The following COL14A1 variants were observed in gnomAD, a reference collection of about 807,000 sequenced individuals.
COL14A1 encodes the protein collagen type XIV alpha 1 chain, also known as collagen alpha-1(XIV) chain.
In COL14A1, 136 loss-of-function variants were observed where a neutral mutation model predicts 230.3. That is an observed-to-expected ratio of 0.59 (90% CI 0.51 to 0.68). The LOEUF (loss-of-function observed/expected upper bound fraction) is 0.68, where lower values mean the gene tolerates loss of function less well. Ranked by LOEUF, COL14A1 falls within the 30% of genes least tolerant of loss-of-function variation. The pLI, the probability that COL14A1 is intolerant of heterozygous loss-of-function variation, is 0.00. For synonymous variants in COL14A1, 792 were observed against 784.1 expected, an observed-to-expected ratio of 1.01 and a Z score of -0.17; for missense variants, 1,976 against 2,215.8, an observed-to-expected ratio of 0.89 and a Z score of 2.17.
intron 45 of COL14A1, among the ~76,000 whole-genome samples, chr8:120,363,221 A>G (rs774554876): frequency 6.6e-6 from 1 of 152,236 alleles, no homozygotes; most frequent in African/African-American, 2.4e-5. Flanking sequence ...TGTGGTACAT[A>G]TACACCATGG....
chr8:120,261,318 T>C (rs117707427), intron 23 of COL14A1, among the ~76,000 whole-genome samples: 1,615 of 152,342 alleles, frequency 0.011, 11 homozygotes, highest in Middle Eastern at 0.037. Context: ...GTTTCTTCTC[T>C]TTAAATTGGG....
Position 120,243,992 on chromosome 8 carries a change from C to T in COL14A1, c.2463C>T (p.Ser821=), listed in dbSNP as rs563353606. The part of the protein sequence containing the change: ...IYTDGEGVSV[S]APGKTLPSSG... ...CGGATGGCGAAGGCGTCAGCGTCTC[C>T]GCTCCTGGAAAAACCTGTAAGTGAA... Residue 821 remains serine, a synonymous_variant, in exon 20 of 48, where the codon TCC becomes TCT. Coordinates refer to ENST00000297848, the MANE Select transcript of COL14A1 (RefSeq NM_021110.4). The T allele has an allele frequency of 2.9e-4, 470 of 1,612,046 alleles. 9 individuals are homozygous for T. In the South Asian group the frequency reaches 4.6e-3, roughly 16 times the overall value.
chr8:120,218,308 T>C (rs1817829052), intron 14 of COL14A1, among the ~76,000 whole-genome samples: 1 of 144,272 alleles, frequency 6.9e-6, no homozygotes, highest in South Asian at 2.1e-4. Context: ...ATAATATATA[T>C]CATATATATA....
Position 120,313,999 on chromosome 8 carries a change from C to T in COL14A1, c.4523C>T (p.Pro1508Leu). Residue 1508 changes from proline to leucine, a missense_variant, in exon 38 of 48, where the codon CCA (proline) becomes CTA (leucine). Physicochemically the swap from Pro to Leu is moderately conservative, Grantham distance 98 (BLOSUM62 -3). Transcript: ENST00000297848. The part of the protein sequence containing the change: ...GPQGPPGPQG[P>L]SGLSIQGMPG... ...CAGGGTCCACCTGGACCTCAAGGAC[C>T]AAGTGGTCTGTCCATTCAAGGAATG... 6.2e-7 allele frequency: 1 copy of T among 1,612,328 alleles called. No individual in the cohort carries two copies. Among genetic ancestry groups the T allele is most frequent in the Non-Finnish European group, 8.5e-7 (1 of 1,179,240 alleles).
chr8:120,313,834 A>T, intron 37 of COL14A1, 98 bp from the exon 38 acceptor site: 2 of 748,568 alleles, frequency 2.7e-6, no homozygotes. Context: ...GAAAAACTAT[A>T]TAAGAAAACA....
At chr8:120,258,468 C>CGG (rs1819225683) in intron 23 of COL14A1, among the ~76,000 whole-genome samples, 3 of 152,256 alleles carry the variant, frequency 2.0e-5, no homozygotes, top group African/African-American at 7.2e-5. Context: ...CCTTCCACCC[C>CGG]TGTATCTGGT....
At chr8:120,282,225 A>G (rs1301743231) in intron 31 of COL14A1, among the ~76,000 whole-genome samples, 1 of 152,220 alleles carries the variant, frequency 6.6e-6, no homozygotes, top group Non-Finnish European at 1.5e-5. Context: ...TCAGTAAACT[A>G]TCGCAAGAAC....
chr8:120,279,798 C>A, intron 28 of COL14A1, 137 bp from the exon 29 acceptor site: 1 of 795,206 alleles, frequency 1.3e-6, no homozygotes, highest in Non-Finnish European at 1.9e-6. Flanking sequence ...CTCTGATGAA[C>A]TGTAAAGAAT....
At chr8:120,317,194 A>G (rs1821262508) in intron 40 of COL14A1, among the ~76,000 whole-genome samples, 1 of 152,142 alleles carries the variant, frequency 6.6e-6, no homozygotes, top group Non-Finnish European at 1.5e-5. Flanking sequence ...TTTGGGTCGA[A>G]CTTACTAGGT....
At chr8:120,317,050 C>G (rs1340462685) in intron 40 of COL14A1, among the ~76,000 whole-genome samples, 2 of 152,156 alleles carry the variant, frequency 1.3e-5, no homozygotes, top group African/African-American at 4.8e-5. Context: ...GACACAGAGG[C>G]TGGTCTTCCT....
chr8:120,332,142 G>GCCTT lies in COL14A1; in HGVS notation c.4664_4667dup (p.Gly1557SerfsTer54). The GCCTT allele has an allele frequency of 6.2e-7, 1 of 1,614,044 alleles. No homozygotes were observed. The highest frequency in any genetic ancestry group is 8.5e-7 in the Non-Finnish European group (1 of 1,179,936). ...ACATGCTGTGTTTCTTTTCGCCAGG[G>GCCTT]CCTTCCGGGAAAGGATGGATCCTCG... is the stretch of plus-strand genomic sequence containing the variant. On this transcript the variant is annotated frameshift_variant and splice_region_variant, in exon 41 of 48. Transcript: ENST00000297848. LOFTEE classifies it high-confidence loss of function.
chr8:120,156,054 A>G (rs946805510), intron 2 of COL14A1, among the ~76,000 whole-genome samples: 2 of 152,188 alleles, frequency 1.3e-5, no homozygotes, highest in African/African-American at 2.4e-5. Flanking sequence ...AAGAAAATCT[A>G]TTCTTAAGAT....
intron 40 of COL14A1, among the ~76,000 whole-genome samples, chr8:120,323,929 A>G (rs548883930): frequency 6.6e-6 from 1 of 152,208 alleles, no homozygotes; most frequent in Non-Finnish European, 1.5e-5. Context: ...AGCAACATGG[A>G]TGGAGCTGGA....
intron 40 of COL14A1, among the ~76,000 whole-genome samples, chr8:120,318,360 C>T (rs1033972089): frequency 1.3e-5 from 2 of 151,986 alleles, no homozygotes; most frequent in African/African-American, 2.4e-5. Context: ...ATGGCTGTTC[C>T]CTGGGGCCAG....
At chr8:120,302,718 C>A (rs1045069734) in intron 36 of COL14A1, among the ~76,000 whole-genome samples, 2 of 151,992 alleles carry the variant, frequency 1.3e-5, no homozygotes, top group African/African-American at 4.8e-5. Flanking sequence ...CCTTGACTAT[C>A]CAGGCTCTTT....
chr8:120,211,149 T>C (rs1277857733), intron 12 of COL14A1, among the ~76,000 whole-genome samples: 1 of 152,154 alleles, frequency 6.6e-6, no homozygotes, highest in Non-Finnish European at 1.5e-5. Context: ...GTTGAAGATA[T>C]ATACTACTTT....
intron 1 of COL14A1, among the ~76,000 whole-genome samples, chr8:120,128,888 T>C (rs930582301): frequency 2.0e-5 from 3 of 152,084 alleles, no homozygotes; most frequent in African/African-American, 7.2e-5. Context: ...CAGAGGTAGG[T>C]TGTGCTTTGC....
chr8:120,138,474 G>A (rs1290621025), intron 1 of COL14A1, among the ~76,000 whole-genome samples: 2 of 152,024 alleles, frequency 1.3e-5, no homozygotes, highest in Non-Finnish European at 2.9e-5. Flanking sequence ...GTTCCCTGAT[G>A]CTTTATGCCA....
chr8:120,313,850 T>C, intron 37 of COL14A1, 82 bp from the exon 38 acceptor site: 2 of 840,578 alleles, frequency 2.4e-6, no homozygotes, highest in African/African-American at 1.8e-5. Context: ...AAACAAATTA[T>C]AATTGTCCTA....
Sources: gnomAD v4.1 joint callset for allele counts (sites outside exome capture counted in the v4.1 genomes callset) on GRCh38, gnomAD v4.1.1 for gene constraint, MANE v1.5 for transcripts, NCBI Gene and HGNC (gene_info 2026-07-23, HGNC 2026-07-21) for gene names.